The following CEMIP2 variants were observed in gnomAD, a reference collection of about 807,000 sequenced individuals.
The protein encoded by CEMIP2 is cell migration inducing hyaluronidase 2, also known as cell surface hyaluronidase CEMIP2.
In CEMIP2, 79 loss-of-function variants were observed where a neutral mutation model predicts 146.9. The observed-to-expected ratio is 0.54, with a 90% CI of 0.45 to 0.65. CEMIP2 has a LOEUF of 0.65. Among genes scored for constraint, CEMIP2 ranks in the 30% least tolerant of loss-of-function variants. The probability of loss-of-function intolerance (pLI) is 0.00; values close to 1 mark genes in which losing one functional copy is unlikely to be tolerated. For synonymous variants in CEMIP2, 601 were observed against 606.3 expected (o/e 0.99, Z 0.13); for missense variants, 1,596 against 1,696.2 (o/e 0.94, Z 1.04).
At chr9:71,697,758 G>A in intron 20 of CEMIP2, 1 of 490,476 alleles carries the variant, frequency 2.0e-6, no homozygotes. Flanking sequence ...AAAATCTGCA[G>A]TTGTTCAAGG....
intron 21 of CEMIP2, among the ~76,000 whole-genome samples, chr9:71,691,670 TC>T (rs372923820): frequency 2.0e-4 from 30 of 151,982 alleles, no homozygotes; most frequent in African/African-American, 7.0e-4. Context: ...CACAATACTT[TC>T]CATGAAAACT....
chr9:71,764,325 G>GA (rs1224718824), intron 1 of CEMIP2, among the ~76,000 whole-genome samples: 3 of 151,800 alleles, frequency 2.0e-5, no homozygotes, highest in African/African-American at 7.3e-5. Context: ...TGAAAGCAGT[G>GA]ACTTTCAAAG....
chr9:71,741,631 G>GTTTTTTTTTTTTTTTTTTTT (rs11334265), intron 4 of CEMIP2, among the ~76,000 whole-genome samples: 46 of 73,160 alleles, frequency 6.3e-4, no homozygotes, highest in Non-Finnish European at 7.9e-4. Flanking sequence ...TTCTTTTCTG[G>GTTTTTTTTTTTTTTTTTTTT]TTTTTTTTTT....
At chr9:71,752,792 T>A (rs1824301283) in intron 1 of CEMIP2, among the ~76,000 whole-genome samples, 1 of 152,020 alleles carries the variant, frequency 6.6e-6, no homozygotes, top group African/African-American at 2.4e-5. Context: ...AAACAAGCAA[T>A]TCCCAGGACC....
intron 18 of CEMIP2, among the ~76,000 whole-genome samples, chr9:71,703,237 C>T (rs1822626890): frequency 6.6e-6 from 1 of 152,130 alleles, no homozygotes; most frequent in South Asian, 2.1e-4. Context: ...CTGGAACCAA[C>T]AGGGTGCAGT....
chr9:71,687,494 G>GTGTA (rs1040423441), intron 22 of CEMIP2: 153 of 150,744 alleles, frequency 1.0e-3, no homozygotes, highest in African/African-American at 3.5e-3. Flanking sequence ...GTGTGTGTGT[G>GTGTA]TACACATACA....
At chr9:71,764,545 T>C (rs779935739) in intron 1 of CEMIP2, among the ~76,000 whole-genome samples, 8 of 152,186 alleles carry the variant, frequency 5.3e-5, no homozygotes, top group Admixed American at 1.3e-4. Context: ...CTTGTTTTAA[T>C]ATTATCTTTG....
chr9:71,728,715 A>T (rs1823521842), intron 10 of CEMIP2, among the ~76,000 whole-genome samples: 1 of 152,062 alleles, frequency 6.6e-6, no homozygotes, highest in Admixed American at 6.6e-5. Flanking sequence ...CTTACATTCA[A>T]CAAAAGGGTG....
intron 18 of CEMIP2, among the ~76,000 whole-genome samples, 166 bp from the exon 19 acceptor site, chr9:71,700,990 G>A (rs1271666727): frequency 2.0e-5 from 3 of 152,200 alleles, no homozygotes; most frequent in Non-Finnish European, 4.4e-5. Context: ...GACAGTGGAA[G>A]TTCTGAACCA....
At chr9:71,728,395 T>C (rs1408937749) in intron 10 of CEMIP2, among the ~76,000 whole-genome samples, 1 of 143,264 alleles carries the variant, frequency 7.0e-6, no homozygotes, top group Non-Finnish European at 1.5e-5. Flanking sequence ...GGTGGGAAGA[T>C]GGCTTGAGCC....
At chr9:71,759,285 C>T (rs1225931401) in intron 1 of CEMIP2, among the ~76,000 whole-genome samples, 1 of 152,008 alleles carries the variant, frequency 6.6e-6, no homozygotes, top group African/African-American at 2.4e-5. Flanking sequence ...CCACGTATCA[C>T]TCAGATTATC....
intron 2 of CEMIP2, among the ~76,000 whole-genome samples, chr9:71,748,034 T>G (rs1037805430): frequency 1.6e-4 from 25 of 152,320 alleles, no homozygotes; most frequent in Non-Finnish European, 3.1e-4. Flanking sequence ...ATTCCTTAAC[T>G]TTTCTACCTC....
chr9:71,696,894 G>A (rs1211095665), intron 20 of CEMIP2, among the ~76,000 whole-genome samples: 1 of 143,398 alleles, frequency 7.0e-6, no homozygotes, highest in Non-Finnish European at 1.6e-5. Flanking sequence ...AAAAAAAAAA[G>A]AGAGAGAAAT....
intron 13 of CEMIP2, 102 bp downstream of exon 13, chr9:71,717,846 T>C (rs954561007): frequency 8.0e-5 from 90 of 1,126,942 alleles, no homozygotes; most frequent in Non-Finnish European, 1.0e-4. Context: ...AATAATATGA[T>C]TCCAAGAATC....
rs2131851789 is a variant in CEMIP2, at chr9:71,690,115, A to G, written c.3828T>C (p.Tyr1276=). 1 of 1,614,162 alleles carries G rather than the reference A, an allele frequency of 6.2e-7. No homozygotes were observed. Among genetic ancestry groups the G allele is most frequent in the Middle Eastern group, 1.7e-4 (1 of 6,060 alleles). The change falls in exon 22 of 24, where the codon TAT becomes TAC. Residue 1276 remains tyrosine, a synonymous_variant. Coordinates refer to ENST00000377044, the MANE Select transcript of CEMIP2 (RefSeq NM_013390.3). The part of the protein sequence containing the change: ...PLADVSRIEE[Y]LKTGIPPRSI... ...ACCTTGGAGGGATGCCTGTTTTTAA[A>G]TACTCTTCAATGCGACTGACATCAG...
chr9:71,746,229 G>T lies in CEMIP2; in HGVS notation c.444C>A (p.Thr148=). The T allele has an allele frequency of 1.2e-5, 20 of 1,613,834 alleles. No individual in the cohort carries two copies. The highest frequency in any genetic ancestry group is 1.7e-5 in the Non-Finnish European group (20 of 1,179,822). ...CATCCTGAATGACTATAGAATGCAC[G>T]GTGGCGTCTGAGGTCAGACGGAGCA... is the stretch of plus-strand genomic sequence containing the variant. ...GDMLRLTSDA[T]VHSIVIQDGG... Residue 148 remains threonine, a synonymous_variant, in exon 3 of 24, where the codon ACC becomes ACA. Coordinates refer to ENST00000377044, the MANE Select transcript of CEMIP2 (RefSeq NM_013390.3).
chr9:71,711,302 C>A (rs1822896836), intron 16 of CEMIP2, among the ~76,000 whole-genome samples: 1 of 151,948 alleles, frequency 6.6e-6, no homozygotes, highest in African/African-American at 2.4e-5. Context: ...TGGCTCACAC[C>A]TACACTCCCA....
intron 18 of CEMIP2, 183 bp downstream of exon 18, chr9:71,704,412 C>T: frequency 1.6e-6 from 1 of 623,826 alleles, no homozygotes; most frequent in Non-Finnish European, 2.8e-6. Context: ...TTTGAAATGA[C>T]AGGATTCAAT....
chr9:71,728,263 A>ATATATATATATATACGTATATACACG (rs1823473461), intron 10 of CEMIP2, among the ~76,000 whole-genome samples: 2 of 10,554 alleles, frequency 1.9e-4, no homozygotes, highest in African/African-American at 4.2e-4. Flanking sequence ...ATATACACGT[A>ATATATATATATATACGTATATACACG]TATATATATA....
Sources: allele counts gnomAD v4.1 joint callset (sites outside exome capture counted in the v4.1 genomes callset), GRCh38; gene constraint gnomAD v4.1.1; transcripts MANE v1.5; gene names NCBI Gene and HGNC (gene_info 2026-07-23, HGNC 2026-07-21).